The following TRPM3 variants were observed in gnomAD, a reference collection of about 807,000 sequenced individuals.
The protein encoded by TRPM3 is transient receptor potential cation channel subfamily M member 3, also known as long transient receptor potential channel 3.
TRPM3 carries 77 observed loss-of-function variants against 181.2 expected under a neutral mutation model. The ratio of observed to expected loss-of-function variants is 0.42; its 90% CI spans 0.35 to 0.51. The LOEUF (loss-of-function observed/expected upper bound fraction) is 0.51, where lower values mean the gene tolerates loss of function less well. Ranked by LOEUF, TRPM3 falls within the 20% of genes least tolerant of loss-of-function variation. The probability of loss-of-function intolerance (pLI) is 0.01; values close to 1 mark genes in which losing one functional copy is unlikely to be tolerated. For synonymous variants in TRPM3, 745 were observed against 796.4 expected (o/e 0.94, Z 1.09); for missense variants, 1,759 against 2,196.7 (o/e 0.80, Z 3.98).
intron 1 of TRPM3, among the ~76,000 whole-genome samples, chr9:70,881,608 C>T (rs1827379790): frequency 6.6e-6 from 1 of 152,114 alleles, no homozygotes; most frequent in African/African-American, 2.4e-5. Context: ...TGGTAAGTAC[C>T]ATCGAGTGAG....
chr9:71,383,378 C>A (rs1395076648), intron 1 of TRPM3, among the ~76,000 whole-genome samples: 2 of 152,108 alleles, frequency 1.3e-5, no homozygotes, highest in African/African-American at 4.8e-5. Context: ...CTATGGACTG[C>A]ATCTATTTGC....
chr9:70,753,651 A>G (rs568922497), intron 8 of TRPM3, among the ~76,000 whole-genome samples: 4 of 152,238 alleles, frequency 2.6e-5, no homozygotes, highest in African/African-American at 7.2e-5. Flanking sequence ...AGATTGCTTG[A>G]GGCGTTTGAT....
At chr9:70,608,275 C>T (rs927901112) in intron 19 of TRPM3, among the ~76,000 whole-genome samples, 2 of 152,204 alleles carry the variant, frequency 1.3e-5, no homozygotes, top group Admixed American at 1.3e-4. Flanking sequence ...TAAATTTATT[C>T]GGCTCAAGTT....
In TRPM3 at chr9:70,598,561, A is replaced by G. The variant is rs548493180; in HGVS notation, c.2906T>C (p.Ile969Thr). Residue 969 changes from isoleucine (I) to threonine (T), a missense_variant, in exon 21 of 26, where the codon ATC becomes ACC. Physicochemically the swap from Ile to Thr is moderately conservative, Grantham distance 89 (BLOSUM62 -1). Coordinates refer to ENST00000677713, the MANE Select transcript of TRPM3 (RefSeq NM_001366145.2). ...IAILLFSVGM[I>T]LRLQDQPFRS... is the part of the protein sequence containing the mutation. ...GAAGGGCTGGTCTTGGAGACGAAGG[A>G]TCATTCCGACAGAAAACAGAAGGAT... 6.2e-7 allele frequency: 1 copy of G among 1,614,240 alleles called. No individual in the cohort carries two copies. The highest frequency in any genetic ancestry group is 2.2e-5 in the East Asian group (1 of 44,890).
intron 7 of TRPM3, among the ~76,000 whole-genome samples, chr9:70,767,380 A>G (rs2079355226): frequency 6.6e-6 from 1 of 152,212 alleles, no homozygotes; most frequent in Non-Finnish European, 1.5e-5. Flanking sequence ...CCAGGCACTA[A>G]GTTAAATATA....
intron 1 of TRPM3, among the ~76,000 whole-genome samples, chr9:71,371,206 A>G (rs1001720238): frequency 1.1e-4 from 17 of 152,196 alleles, no homozygotes; most frequent in African/African-American, 3.9e-4. Context: ...CCCATGGATC[A>G]AGGAGGAATC....
intron 1 of TRPM3, among the ~76,000 whole-genome samples, chr9:71,085,792 T>C (rs2065160903): frequency 6.6e-6 from 1 of 152,046 alleles, no homozygotes; most frequent in East Asian, 1.9e-4. Context: ...GTTTGAAGAT[T>C]TCTCAAAGAA....
intron 1 of TRPM3, among the ~76,000 whole-genome samples, chr9:71,402,497 C>A (rs1003622666): frequency 1.3e-5 from 2 of 152,126 alleles, no homozygotes; most frequent in Non-Finnish European, 2.9e-5. Context: ...AGCATTTCTC[C>A]TGTGTATTTT....
rs147091661 is a variant in TRPM3 at position 70,938,580 on chromosome 9, G to A, written c.178-74069C>T. On this transcript the variant is annotated intron_variant, in intron 1 of 25. Coordinates refer to ENST00000677713, the MANE Select transcript of TRPM3 (RefSeq NM_001366145.2). ...ATCCATTGTCAGCCCCCTTCTCGGC[G>A]TGAAACATTACCAATTATTAGTAGT... 2.2e-3 allele frequency among the ~76,000 whole-genome samples: 332 copies of A among 152,086 alleles called. 1 individual carries two copies. Among genetic ancestry groups the A allele is most frequent in the African/African-American group, 7.7e-3 (318 of 41,490 alleles).
At chr9:70,566,589 C>T (rs2050654116) in intron 22 of TRPM3, among the ~76,000 whole-genome samples, 1 of 152,210 alleles carries the variant, frequency 6.6e-6, no homozygotes, top group African/African-American at 2.4e-5. Context: ...AATTGCTCCT[C>T]ATCCATTCCA....
At chr9:71,256,478 T>C (rs894056867) in intron 1 of TRPM3, among the ~76,000 whole-genome samples, 2 of 151,766 alleles carry the variant, frequency 1.3e-5, no homozygotes, top group Middle Eastern at 3.2e-3. Context: ...TTTAATAAAA[T>C]GTGATGAGAA....
intron 1 of TRPM3, among the ~76,000 whole-genome samples, chr9:71,099,645 C>G (rs2134028392): frequency 6.6e-6 from 1 of 152,256 alleles, no homozygotes; most frequent in East Asian, 1.9e-4. Context: ...GCCCATTATG[C>G]CAACCATCCA....
chr9:71,009,418 A>C (rs969590435), intron 1 of TRPM3, among the ~76,000 whole-genome samples: 1 of 152,210 alleles, frequency 6.6e-6, no homozygotes, highest in African/African-American at 2.4e-5. Flanking sequence ...AATCAACATA[A>C]AAATCATTAA....
At chr9:71,025,063 T>C (rs556640720) in intron 1 of TRPM3, among the ~76,000 whole-genome samples, 37 of 152,318 alleles carry the variant, frequency 2.4e-4, no homozygotes, top group African/African-American at 8.4e-4. Context: ...AATGTGAATC[T>C]AACACAAGTT....
intron 1 of TRPM3, among the ~76,000 whole-genome samples, chr9:71,058,822 A>G (rs2060962698): frequency 6.6e-6 from 1 of 151,914 alleles, no homozygotes; most frequent in African/African-American, 2.4e-5. Flanking sequence ...CAGGCAGCCA[A>G]TTTATCACAC....
chr9:70,547,747 G>A (rs1002716075), intron 25 of TRPM3, among the ~76,000 whole-genome samples: 2 of 152,078 alleles, frequency 1.3e-5, no homozygotes, highest in Admixed American at 1.3e-4. Flanking sequence ...TCTACATTCT[G>A]TCCTGGACTT....
exon 1 of TRPM3, chr9:71,446,779 C>T (rs759939572): frequency 1.3e-6 from 2 of 1,550,440 alleles, no homozygotes; most frequent in South Asian, 2.4e-5. Flanking sequence ...CCGCGTTGTC[C>T]TCGCGGTCGG....
intron 1 of TRPM3, among the ~76,000 whole-genome samples, chr9:71,307,056 C>T (rs1284341013): frequency 6.6e-6 from 1 of 152,188 alleles, no homozygotes; most frequent in Admixed American, 6.5e-5. Flanking sequence ...ACATTTTATG[C>T]ATTTTTTAAG....
At chr9:70,590,842 C>T (rs1038977799) in intron 22 of TRPM3, among the ~76,000 whole-genome samples, 189 bp downstream of exon 22, 5 of 152,036 alleles carry the variant, frequency 3.3e-5, no homozygotes, top group Admixed American at 3.3e-4. Context: ...AAAGAAATAC[C>T]CAAGAACTAC....
Sources: gnomAD v4.1 joint callset for allele counts (sites outside exome capture counted in the v4.1 genomes callset) on GRCh38, gnomAD v4.1.1 for gene constraint, MANE v1.5 for transcripts, NCBI Gene and HGNC (gene_info 2026-07-23, HGNC 2026-07-21) for gene names.